GABRB1: variants seen among roughly 807,000 people sequenced by gnomAD.
GABRB1 encodes gamma-aminobutyric acid type A receptor subunit beta1.
In GABRB1, 17 loss-of-function variants were observed where a neutral mutation model predicts 51.6. The observed-to-expected ratio is 0.33, with a 90% CI of 0.23 to 0.49. The LOEUF (loss-of-function observed/expected upper bound fraction) is 0.49, where lower values mean the gene tolerates loss of function less well. Ranked by LOEUF, GABRB1 falls within the 20% of genes least tolerant of loss-of-function variation. The pLI, the probability that GABRB1 is intolerant of heterozygous loss-of-function variation, is 0.99. For synonymous variants in GABRB1, 247 were observed against 218.9 expected, an observed-to-expected ratio of 1.13 and a Z score of -1.14; for missense variants, 410 against 600.6, an observed-to-expected ratio of 0.68 and a Z score of 3.32.
At chr4:47,011,885 TTCCAAA>T (rs1469647525) in intron 1 of GABRB1, among the ~76,000 whole-genome samples, 1 of 152,134 alleles carries the variant, frequency 6.6e-6, no homozygotes, top group Non-Finnish European at 1.5e-5. Context: ...TAAAAAATAT[TTCCAAA>T]TACAGGAAAA....
chr4:47,011,538 C>G (rs1230969335), intron 1 of GABRB1, among the ~76,000 whole-genome samples: 2 of 152,104 alleles, frequency 1.3e-5, no homozygotes, highest in African/African-American at 4.8e-5. Context: ...ATATCAGACT[C>G]AGACTCTGAG....
chr4:47,195,401 TA>T (rs1265963011), intron 4 of GABRB1, among the ~76,000 whole-genome samples: 125 of 24,990 alleles, frequency 5.0e-3, no homozygotes, highest in Admixed American at 0.01. Context: ...AGATGATAGA[TA>T]GATAGATAGA....
intron 4 of GABRB1, among the ~76,000 whole-genome samples, chr4:47,175,871 C>T (rs116422888): frequency 2.7e-3 from 411 of 152,242 alleles, no homozygotes; most frequent in Middle Eastern, 0.021. Context: ...TCCCTTTGAA[C>T]TCTTGGCCAC....
chr4:47,245,613 A>G (rs1026049077), intron 4 of GABRB1, among the ~76,000 whole-genome samples: 19 of 152,128 alleles, frequency 1.2e-4, no homozygotes, highest in Admixed American at 1.2e-3. Context: ...GCACTGCTCC[A>G]TGAAACCCAA....
intron 1 of GABRB1, among the ~76,000 whole-genome samples, chr4:47,000,322 A>G (rs1326784773): frequency 6.6e-6 from 1 of 152,218 alleles, no homozygotes; most frequent in African/African-American, 2.4e-5. Context: ...AACATTGACT[A>G]TTTCAACTGT....
chr4:47,060,157 G>GA, intron 3 of GABRB1, among the ~76,000 whole-genome samples: 1 of 152,064 alleles, frequency 6.6e-6, no homozygotes, highest in Admixed American at 6.6e-5. Context: ...TTATTTGCCA[G>GA]AAAAAACATC....
intron 4 of GABRB1, among the ~76,000 whole-genome samples, chr4:47,211,554 G>A (rs949032922): frequency 6.6e-6 from 1 of 152,182 alleles, no homozygotes; most frequent in Non-Finnish European, 1.5e-5. Context: ...ACTGAAAGGG[G>A]ATGGTGTGCT....
intron 3 of GABRB1, among the ~76,000 whole-genome samples, chr4:47,134,080 T>C (rs1178216820): frequency 6.6e-6 from 1 of 152,196 alleles, no homozygotes; most frequent in Non-Finnish European, 1.5e-5. Flanking sequence ...GAAACTACTG[T>C]TGTTGGTTTT....
At chr4:47,005,807 T>A (rs2109433423) in intron 1 of GABRB1, among the ~76,000 whole-genome samples, 1 of 135,564 alleles carries the variant, frequency 7.4e-6, no homozygotes, top group Non-Finnish European at 1.6e-5. Flanking sequence ...CATATGGGGC[T>A]TAGCAAAACT....
chr4:47,097,554 T>C (rs761382496), intron 3 of GABRB1, among the ~76,000 whole-genome samples: 1 of 152,218 alleles, frequency 6.6e-6, no homozygotes, highest in Non-Finnish European at 1.5e-5. Flanking sequence ...TACATATTTA[T>C]ATGGTTCATT....
rs537218302 is a variant in GABRB1 at position 47,225,349 on chromosome 4, C to T, written c.461+63880C>T. The stretch of plus-strand genomic sequence containing the variant: ...GGGAGTGTAAAGATTTCATTTATAA[C>T]ATTCATCAGATTTTCCCATAAATTT... On this transcript the variant is annotated intron_variant, in intron 4 of 8. Transcript: ENST00000295454. Among the ~76,000 whole-genome samples the T allele has an allele frequency of 2.0e-5, 3 of 152,210 alleles. No homozygotes were observed. The South Asian group carries it at 6.2e-4, about 32-fold the overall frequency.
intron 5 of GABRB1, among the ~76,000 whole-genome samples, chr4:47,382,310 C>G (rs969899234): frequency 6.6e-6 from 1 of 152,154 alleles, no homozygotes; most frequent in Non-Finnish European, 1.5e-5. Flanking sequence ...CCTCTACCTA[C>G]TAAGTACCAG....
chr4:47,376,695 G>A (rs1727394190), intron 5 of GABRB1, among the ~76,000 whole-genome samples: 1 of 152,166 alleles, frequency 6.6e-6, no homozygotes, highest in African/African-American at 2.4e-5. Flanking sequence ...GCAGGAAGAA[G>A]TTCTTGGGAG....
intron 4 of GABRB1, among the ~76,000 whole-genome samples, chr4:47,299,893 C>T (rs13114317): frequency 1.8e-4 from 28 of 151,494 alleles, no homozygotes; most frequent in African/African-American, 4.8e-4. Flanking sequence ...ATATACACCA[C>T]GGAATACTAT....
chr4:47,132,737 A>T (rs1291956970), intron 3 of GABRB1, among the ~76,000 whole-genome samples: 7 of 152,214 alleles, frequency 4.6e-5, no homozygotes, highest in Admixed American at 1.3e-4. Context: ...GAATAGCCAC[A>T]ATCTAGAACG....
At chr4:47,155,064 G>A (rs1717632309) in intron 3 of GABRB1, among the ~76,000 whole-genome samples, 1 of 152,078 alleles carries the variant, frequency 6.6e-6, no homozygotes, top group African/African-American at 2.4e-5. Flanking sequence ...TTGACTGCCT[G>A]TGAAGCAACT....
chr4:47,322,073 T>C (rs780589238), intron 5 of GABRB1, among the ~76,000 whole-genome samples: 1 of 152,178 alleles, frequency 6.6e-6, no homozygotes, highest in African/African-American at 2.4e-5. Flanking sequence ...TAATATAACA[T>C]ATAATGATCA....
rs1292468460 is a variant in GABRB1 at position 47,218,827 on chromosome 4, T to G, written c.461+57358T>G. On this transcript the variant is annotated intron_variant, in intron 4 of 8. Coordinates refer to ENST00000295454, the MANE Select transcript of GABRB1 (RefSeq NM_000812.4). ...AATGAAACAGTGCTCCACCATCTAA[T>G]GCAGATGCCAAAAGCCTACTAGTCT... Among the ~76,000 whole-genome samples, 3 of 151,874 alleles carry G rather than the reference T, an allele frequency of 2.0e-5. No individual in the cohort carries two copies. The East Asian group carries it at 5.8e-4, about 29-fold the overall frequency.
At chr4:47,259,878 G>A (rs1283652293) in intron 4 of GABRB1, among the ~76,000 whole-genome samples, 1 of 151,982 alleles carries the variant, frequency 6.6e-6, no homozygotes, top group Non-Finnish European at 1.5e-5. Flanking sequence ...TATAAATAAT[G>A]GAAAAGAGCT....
Sources: gnomAD v4.1 joint callset for allele counts (sites outside exome capture counted in the v4.1 genomes callset) on GRCh38, gnomAD v4.1.1 for gene constraint, MANE v1.5 for transcripts, NCBI Gene and HGNC (gene_info 2026-07-23, HGNC 2026-07-21) for gene names.